The following IMMT variants were observed in gnomAD, a reference collection of about 807,000 sequenced individuals.
IMMT encodes MICOS complex subunit MIC60.
A neutral mutation model predicts 92.7 loss-of-function variants in IMMT; 40 were observed. The ratio of observed to expected loss-of-function variants is 0.43; its 90% CI spans 0.34 to 0.56. The LOEUF is 0.56. IMMT is among the 20% of genes least tolerant of loss of function. The pLI, the probability that IMMT is intolerant of heterozygous loss-of-function variation, is 0.03. For missense variants in IMMT, 831 were observed against 912.1 expected (o/e 0.91, Z 1.14); for synonymous variants, 322 against 336.1 (o/e 0.96, Z 0.46).
intron 14 of IMMT, among the ~76,000 whole-genome samples, chr2:86,145,822 G>T (rs751077532): frequency 3.9e-5 from 6 of 152,088 alleles, no homozygotes; most frequent in Non-Finnish European, 7.4e-5. Flanking sequence ...AGGCACATGC[G>T]ACATAGCCAA....
intron 7 of IMMT, among the ~76,000 whole-genome samples, chr2:86,162,380 A>G (rs986903048): frequency 2.0e-5 from 3 of 149,562 alleles, no homozygotes. Context: ...GGATGTACAA[A>G]CCAAAATCAG....
Position 86,195,124 on chromosome 2 carries a change from C to T in IMMT, c.45+214G>A, listed in dbSNP as rs1673444631. ...CGAAGCCGCGCCTCCCGCTACTCTC[C>T]ACACCCCACCCCGCTGCTGCAATAA... On this transcript the variant is annotated intron_variant, in intron 1 of 14. Transcript: ENST00000410111. 6.1e-6 allele frequency: 3 copies of T among 490,256 alleles called. No homozygotes were observed. The South Asian group carries it at 1.1e-4, about 18-fold the overall frequency. The allele number at this position is 490,256 out of a possible 1,614,324, so 30.4% of individuals were successfully genotyped here.
Position 86,151,516 on chromosome 2 carries a change from G to T in IMMT, c.1182C>A (p.Asp394Glu). The change falls in exon 12 of 15, where the codon GAC (aspartate) becomes GAA (glutamate). Residue 394 changes from aspartate to glutamate, a missense_variant. By Grantham distance (45) the Asp-to-Glu change is conservative. Coordinates refer to ENST00000410111, the MANE Select transcript of IMMT (RefSeq NM_006839.3). ...WKGMSVSDLA[D>E]KLSTDDLNSL... ...AGTTCAGATCATCAGTAGAGAGCTT[G>T]TCAGCTAAGCAAAAGAGCATGTTAA... 6.2e-7 allele frequency: 1 copy of T among 1,610,184 alleles called. No homozygotes were observed. The highest frequency in any genetic ancestry group is 8.5e-7 in the Non-Finnish European group (1 of 1,176,458).
At position 86,166,652 on chromosome 2, in the gene IMMT, A is replaced by G. The variant is rs776772447; in HGVS notation, c.656-8T>C. ...CTAAGCTCTTGGCTAGAGCTTAAAA[A>G]AAAAAAAGAACAGTTAAAAAACAAA... On this transcript the variant is annotated splice_polypyrimidine_tract_variant and splice_region_variant and intron_variant, in intron 6 of 14. Transcript: ENST00000410111. 6.3e-6 allele frequency: 10 copies of G among 1,581,636 alleles called. No homozygotes were observed. The highest frequency in any genetic ancestry group is 2.3e-5 in the South Asian group (2 of 85,882).
At chr2:86,174,948 T>C (rs1209309677) in intron 3 of IMMT, among the ~76,000 whole-genome samples, 1 of 152,170 alleles carries the variant, frequency 6.6e-6, no homozygotes, top group African/African-American at 2.4e-5. Flanking sequence ...AGCACCGTAG[T>C]GTAATATCTA....
At chr2:86,173,833 T>C in intron 3 of IMMT, 72 bp from the exon 4 acceptor site, 1 of 751,224 alleles carries the variant, frequency 1.3e-6, no homozygotes, top group Non-Finnish European at 2.2e-6. Flanking sequence ...ATTTGCAGTA[T>C]TTCAAATGCC....
chr2:86,147,190 T>C (rs1421852518), intron 13 of IMMT, among the ~76,000 whole-genome samples: 2 of 152,244 alleles, frequency 1.3e-5, no homozygotes, highest in Non-Finnish European at 2.9e-5. Context: ...AATATCCAAA[T>C]AGAATTTAAA....
intron 3 of IMMT, among the ~76,000 whole-genome samples, chr2:86,175,725 T>TAAAA (rs10683026): frequency 1.6e-4 from 23 of 145,856 alleles, no homozygotes; most frequent in African/African-American, 5.0e-4. Context: ...GAGTAAATGG[T>TAAAA]AAAAAAAAAA....
chr2:86,163,181 G>A lies in IMMT; in HGVS notation c.793-1102C>T, dbSNP rs187131699. 3.5e-4 allele frequency among the ~76,000 whole-genome samples: 53 copies of A among 152,206 alleles called. 1 individual carries two copies. Among genetic ancestry groups the A allele is most frequent in the Admixed American group, 2.7e-3 (41 of 15,274 alleles). ...AACGAAATAAAAAAAATAGCCAGGC[G>A]TAGTGGCTCATGCCTGTGGTCCCAG... On this transcript the variant is annotated intron_variant, in intron 7 of 14. Coordinates refer to ENST00000410111, the MANE Select transcript of IMMT (RefSeq NM_006839.3).
chr2:86,164,052 A>ATTTTTTTTTT lies in IMMT; in HGVS notation c.793-1983_793-1974dup, dbSNP rs540613367. 2.4e-3 allele frequency among the ~76,000 whole-genome samples: 154 copies of ATTTTTTTTTT among 63,054 alleles called. 7 individuals are homozygous for ATTTTTTTTTT. The highest frequency in any genetic ancestry group is 0.016 in the Middle Eastern group (1 of 62). 41.4% of individuals were successfully genotyped at this position (63,054 alleles called of 152,430 possible). ...GTTTCAGTGAATTCCCACTTTAGTC[A>ATTTTTTTTTT]TTTTTTTTTTTTTTTTTTTTTTGAG... is the stretch of plus-strand genomic sequence containing the variant. On this transcript the variant is annotated intron_variant, in intron 7 of 14. Coordinates refer to ENST00000410111, the MANE Select transcript of IMMT (RefSeq NM_006839.3).
intron 6 of IMMT, among the ~76,000 whole-genome samples, chr2:86,170,421 AAAAT>A (rs1316659288): frequency 5.9e-5 from 9 of 152,220 alleles, no homozygotes; most frequent in South Asian, 4.1e-4. Flanking sequence ...CTATCTCAAA[AAAAT>A]AAATAAAGGA....
Position 86,179,522 on chromosome 2 carries a change from T to C in IMMT, c.220A>G (p.Ser74Gly), listed in dbSNP as rs1404950565. The change falls in exon 3 of 15, where the codon AGT (serine) becomes GGT (glycine). Residue 74 changes from serine to glycine, a missense_variant. Coordinates refer to ENST00000410111, the MANE Select transcript of IMMT (RefSeq NM_006839.3). ...GAGTAAGGTATGGTTTTCTCTACAC[T>C]TTCCCGGAAATGGGAATCCCATTTG... ...YAKWDSHFRE[S>G]VEKTIPYSDK... 6.2e-6 allele frequency: 10 copies of C among 1,613,398 alleles called. No homozygotes were observed. In the African/African-American group the frequency reaches 1.1e-4, roughly 17 times the overall value.
chr2:86,145,980 G>C, intron 14 of IMMT, 88 bp downstream of exon 14: 1 of 1,091,628 alleles, frequency 9.2e-7, no homozygotes, highest in Non-Finnish European at 1.2e-6. Context: ...CCTGATGTCA[G>C]TACATGTACC....
In IMMT at chr2:86,195,387, G is replaced by A. The variant is rs1001030693; in HGVS notation, c.-5C>T. 3.6e-5 allele frequency: 55 copies of A among 1,548,628 alleles called. No homozygotes were observed. In the East Asian group the frequency reaches 1.1e-3, roughly 32 times the overall value. ...TAACTGACAGGCCCGCAGCATCTCG[G>A]TCAAGCGGACGGCGCTGCTGGTGGA... On this transcript the variant is annotated 5_prime_UTR_variant, in exon 1 of 15. Transcript: ENST00000410111.
intron 1 of IMMT, among the ~76,000 whole-genome samples, chr2:86,189,211 A>G (rs1330837338): frequency 6.6e-6 from 1 of 152,128 alleles, no homozygotes; most frequent in African/African-American, 2.4e-5. Flanking sequence ...ATTAAAAAAA[A>G]GAGGAAACAT....
chr2:86,185,025 A>G (rs1048102712), intron 1 of IMMT, among the ~76,000 whole-genome samples: 2 of 152,112 alleles, frequency 1.3e-5, no homozygotes, highest in Non-Finnish European at 2.9e-5. Flanking sequence ...CGTCTCTACT[A>G]AAAATACAGA....
At chr2:86,153,304 T>TACACACACACACACACACACAC (rs10572745) in intron 11 of IMMT, among the ~76,000 whole-genome samples, 1 of 143,840 alleles carries the variant, frequency 7.0e-6, no homozygotes, top group Admixed American at 7.0e-5. Flanking sequence ...CAATCCATAT[T>TACACACACACACACACACACAC]ACACACACAC....
Position 86,170,311 on chromosome 2 carries a change from G to C in IMMT, c.655+438C>G, listed in dbSNP as rs1676993622. Among the ~76,000 whole-genome samples the C allele has an allele frequency of 3.3e-5, 5 of 152,212 alleles. 1 individual carries two copies. Among genetic ancestry groups the C allele is most frequent in the Admixed American group, 2.0e-4 (3 of 15,292 alleles). On this transcript the variant is annotated intron_variant, in intron 6 of 14. Transcript: ENST00000410111. ...GTACACGCCTGTAGTCCCAGCTACA[G>C]AGGAGGCTGAGGTGGGAGGATGGCT...
rs547436595 is a variant in IMMT, at chr2:86,162,102, A to T, written c.793-23T>A. The T allele has an allele frequency of 1.2e-5, 17 of 1,420,320 alleles. No individual in the cohort carries two copies. In the East Asian group the frequency reaches 4.0e-4, roughly 34 times the overall value. 88.0% of individuals were successfully genotyped at this position (1,420,320 alleles called of 1,614,324 possible). Reference sequence around the variant, plus strand: ...AATCTAAACAAAAAATTTTAATTATATAATAAATAACTGCTATTATTGTCA... The same window carrying T: ...AATCTAAACAAAAAATTTTAATTATTTAATAAATAACTGCTATTATTGTCA... On this transcript the variant is annotated intron_variant, in intron 7 of 14. Transcript: ENST00000410111.
Sources: gnomAD v4.1 joint callset for allele counts (sites outside exome capture counted in the v4.1 genomes callset) on GRCh38, gnomAD v4.1.1 for gene constraint, MANE v1.5 for transcripts, NCBI Gene and HGNC (gene_info 2026-07-23, HGNC 2026-07-21) for gene names.